Variants in DIAPH3 observed in about 807,000 individuals in gnomAD.
The protein encoded by DIAPH3 is diaphanous related formin 3, also known as protein diaphanous homolog 3.
In DIAPH3, 117 loss-of-function variants were observed where a neutral mutation model predicts 144.3. That is an observed-to-expected ratio of 0.81 (90% CI 0.70 to 0.95). DIAPH3 has a LOEUF of 0.95. Among genes scored for constraint, DIAPH3 ranks in the 40% least tolerant of loss-of-function variants. The probability of loss-of-function intolerance (pLI) is 0.00; values close to 1 mark genes in which losing one functional copy is unlikely to be tolerated. For synonymous variants in DIAPH3, 519 were observed against 488.9 expected, an observed-to-expected ratio of 1.06 and a Z score of -0.81; for missense variants, 1,421 against 1,412.7, an observed-to-expected ratio of 1.01 and a Z score of -0.09.
In DIAPH3 at chr13:59,980,816, TTTC is replaced by T; in HGVS notation, c.1521_1523del (p.Lys508del). The T allele has an allele frequency of 6.2e-7, 1 of 1,609,784 alleles. No homozygotes were observed. The highest frequency in any genetic ancestry group is 8.5e-7 in the Non-Finnish European group (1 of 1,177,268). ...TTACTTTCTTGTAAAGTTCTGATGC[TTTC>T]TCTTCAAACTCTTCTAGTTTTGCTT... On this transcript the variant is annotated inframe_deletion, in exon 14 of 28. Transcript: ENST00000400324.
chr13:59,810,953 TA>T, intron 24 of DIAPH3, 30 bp from the exon 25 acceptor site: 1 of 1,576,388 alleles, frequency 6.3e-7, no homozygotes, highest in Non-Finnish European at 8.6e-7. Flanking sequence ...TGATCAATTT[TA>T]ACCAGTGATT....
chr13:59,891,734 G>A (rs576547945), intron 20 of DIAPH3, among the ~76,000 whole-genome samples: 33 of 151,904 alleles, frequency 2.2e-4, no homozygotes, highest in Non-Finnish European at 3.2e-4. Context: ...AGTACAGTAG[G>A]TACCTATAGC....
intron 9 of DIAPH3, among the ~76,000 whole-genome samples, chr13:59,997,271 T>C (rs553570916): frequency 6.6e-6 from 1 of 152,208 alleles, no homozygotes; most frequent in South Asian, 2.1e-4. Flanking sequence ...TCACAATTTT[T>C]AGCTCCAACA....
chr13:59,959,143 G>A (rs1026921348), intron 17 of DIAPH3, among the ~76,000 whole-genome samples: 14 of 152,090 alleles, frequency 9.2e-5, no homozygotes, highest in Admixed American at 5.2e-4. Flanking sequence ...CACAAAGTGC[G>A]GAGATTACAG....
At chr13:59,733,269 AC>A (rs1319676645) in intron 27 of DIAPH3, among the ~76,000 whole-genome samples, 2 of 152,234 alleles carry the variant, frequency 1.3e-5, no homozygotes, top group Non-Finnish European at 2.9e-5. Context: ...GAAAATGTTC[AC>A]TATTGAGTAA....
chr13:60,051,985 C>CA (rs2141249439), intron 4 of DIAPH3, among the ~76,000 whole-genome samples: 1 of 152,162 alleles, frequency 6.6e-6, no homozygotes, highest in South Asian at 2.1e-4. Flanking sequence ...TGTGGTCATT[C>CA]AAAAAACACT....
At chr13:60,013,116 AG>A (rs1393734164) in intron 7 of DIAPH3, 21 of 985,040 alleles carry the variant, frequency 2.1e-5, no homozygotes, top group Non-Finnish European at 2.5e-5. Context: ...AAATTTTGAA[AG>A]GTCTAAGGAT....
intron 22 of DIAPH3, among the ~76,000 whole-genome samples, chr13:59,860,600 T>C (rs968982461): frequency 3.9e-5 from 6 of 151,926 alleles, no homozygotes; most frequent in African/African-American, 4.8e-5. Context: ...TATCCAGGCA[T>C]GGAGGCGGGT....
intron 25 of DIAPH3, among the ~76,000 whole-genome samples, chr13:59,803,743 C>T (rs1323250858): frequency 6.6e-6 from 1 of 152,146 alleles, no homozygotes; most frequent in African/African-American, 2.4e-5. Flanking sequence ...AGTGGTTGAA[C>T]TCTGAATGAG....
chr13:60,111,265 C>A (rs113617886), intron 3 of DIAPH3, among the ~76,000 whole-genome samples: 1 of 152,104 alleles, frequency 6.6e-6, no homozygotes, highest in African/African-American at 2.4e-5. Flanking sequence ...CAGAAAAAGA[C>A]GTAGAAAGTG....
intron 27 of DIAPH3, among the ~76,000 whole-genome samples, chr13:59,693,082 A>G (rs557682383): frequency 6.6e-6 from 1 of 152,222 alleles, no homozygotes; most frequent in East Asian, 1.9e-4. Context: ...TGAGAAAATT[A>G]TATTTCAGAA....
intron 3 of DIAPH3, among the ~76,000 whole-genome samples, chr13:60,103,596 A>T (rs2137997297): frequency 6.6e-6 from 1 of 152,340 alleles, no homozygotes; most frequent in East Asian, 1.9e-4. Flanking sequence ...AATTAGAAGC[A>T]CTGCAATAGC....
intron 4 of DIAPH3, among the ~76,000 whole-genome samples, chr13:60,089,467 T>C (rs2057859647): frequency 6.6e-6 from 1 of 152,224 alleles, no homozygotes; most frequent in African/African-American, 2.4e-5. Flanking sequence ...TATTAATTTC[T>C]AATTCTTTTT....
chr13:59,720,245 T>C (rs2035271711), intron 27 of DIAPH3, among the ~76,000 whole-genome samples: 1 of 152,152 alleles, frequency 6.6e-6, no homozygotes, highest in Admixed American at 6.5e-5. Context: ...ATAATCTTAT[T>C]GGGCCACCAC....
chr13:59,943,782 G>A (rs1594077225), intron 17 of DIAPH3, among the ~76,000 whole-genome samples: 1 of 152,190 alleles, frequency 6.6e-6, no homozygotes, highest in East Asian at 1.9e-4. Context: ...TCTATCAGAA[G>A]CCCAGTAAAA....
intron 4 of DIAPH3, among the ~76,000 whole-genome samples, chr13:60,073,000 G>A (rs1354717765): frequency 6.6e-6 from 1 of 152,038 alleles, no homozygotes; most frequent in Non-Finnish European, 1.5e-5. Context: ...TATTACTTTT[G>A]AAAAGTTGTG....
intron 27 of DIAPH3, among the ~76,000 whole-genome samples, chr13:59,688,107 A>G (rs765159818): frequency 3.3e-5 from 5 of 152,052 alleles, no homozygotes; most frequent in Non-Finnish European, 7.4e-5. Context: ...AACATGAGAG[A>G]TTAAAAGAAG....
At chr13:59,997,223 C>T (rs549161563) in intron 9 of DIAPH3, among the ~76,000 whole-genome samples, 3 of 152,170 alleles carry the variant, frequency 2.0e-5, no homozygotes, top group Admixed American at 1.3e-4. Flanking sequence ...ACTCACTCTT[C>T]CCAGACTGTT....
At chr13:60,159,382 T>C (rs1287789892) in intron 1 of DIAPH3, among the ~76,000 whole-genome samples, 1 of 152,016 alleles carries the variant, frequency 6.6e-6, no homozygotes, top group Non-Finnish European at 1.5e-5. Flanking sequence ...TCCCAGCACT[T>C]TGGGAGGCCG....
Sources: gnomAD v4.1 joint callset for allele counts (sites outside exome capture counted in the v4.1 genomes callset) on GRCh38, gnomAD v4.1.1 for gene constraint, MANE v1.5 for transcripts, NCBI Gene and HGNC (gene_info 2026-07-23, HGNC 2026-07-21) for gene names.